The following GRIA3 variants were observed in gnomAD, a reference collection of about 807,000 sequenced individuals.
GRIA3 encodes the protein glutamate receptor 3.
GRIA3 carries 3 observed loss-of-function variants against 63.0 expected under a neutral mutation model. The ratio of observed to expected loss-of-function variants is 0.05; its 90% CI spans 0.02 to 0.12. The LOEUF is 0.12. Among genes scored for constraint, GRIA3 ranks in the 10% least tolerant of loss-of-function variants. The pLI is 1.00. For missense variants in GRIA3, 347 were observed against 700.9 expected, an observed-to-expected ratio of 0.50 and a Z score of 5.70; for synonymous variants, 274 against 257.9, an observed-to-expected ratio of 1.06 and a Z score of -0.60.
At chrX:123,476,155 C>G (rs1009302151) in intron 13 of GRIA3, among the ~76,000 whole-genome samples, 1 of 111,364 alleles carries the variant, frequency 9.0e-6, no homozygotes, top group Non-Finnish European at 1.9e-5. Context: ...AATGGAGATA[C>G]AAATACATGA....
chrX:123,365,430 G>A (rs1278800901), intron 5 of GRIA3, among the ~76,000 whole-genome samples: 2 of 111,673 alleles, frequency 1.8e-5, no homozygotes, highest in African/African-American at 6.5e-5. Context: ...TCTGTTGAAG[G>A]AAATGGTGTA....
intron 3 of GRIA3, among the ~76,000 whole-genome samples, chrX:123,315,243 T>G (rs1379997620): frequency 8.9e-6 from 1 of 112,190 alleles, no homozygotes; most frequent in African/African-American, 3.2e-5. Flanking sequence ...AGGGAAATAT[T>G]AATTTGCTAA....
At chrX:123,184,723 T>A in intron 1 of GRIA3, 79 bp downstream of exon 1, 1 of 532,434 alleles carries the variant, frequency 1.9e-6, no homozygotes, top group Non-Finnish European at 3.0e-6. Flanking sequence ...TTCCCTGCGG[T>A]GGGTCCCTGT....
chrX:123,472,919 T>C (rs1178297758), intron 13 of GRIA3, among the ~76,000 whole-genome samples: 2 of 112,902 alleles, frequency 1.8e-5, no homozygotes, highest in Non-Finnish European at 3.7e-5. Flanking sequence ...TTATATTAAA[T>C]TATTATCCCA....
chrX:123,189,863 T>C (rs1927382829), intron 2 of GRIA3, among the ~76,000 whole-genome samples: 1 of 111,381 alleles, frequency 9.0e-6, no homozygotes, highest in Non-Finnish European at 1.9e-5. Context: ...ATTCCATTAA[T>C]TTTTTTCAAG....
At chrX:123,204,363 C>G (rs1342226895) in intron 2 of GRIA3, 2 of 1,104,615 alleles carry the variant, frequency 1.8e-6, no homozygotes, top group Non-Finnish European at 2.4e-6. Context: ...CTCATCCATT[C>G]ATAGTGCTGA....
intron 3 of GRIA3, among the ~76,000 whole-genome samples, chrX:123,275,972 A>G (rs1416539425): frequency 8.9e-6 from 1 of 112,128 alleles, no homozygotes; most frequent in East Asian, 2.8e-4. Context: ...ATTTCCCCCA[A>G]ACATACACAT....
intron 3 of GRIA3, among the ~76,000 whole-genome samples, chrX:123,315,372 TCA>T (rs1023489998): frequency 4.5e-5 from 5 of 112,149 alleles, no homozygotes; most frequent in Admixed American, 3.8e-4. Flanking sequence ...ATCAAACTCT[TCA>T]CACACAGAAC....
chrX:123,214,407 A>G (rs1054969412), intron 2 of GRIA3, among the ~76,000 whole-genome samples: 4 of 111,565 alleles, frequency 3.6e-5, no homozygotes, highest in Non-Finnish European at 7.5e-5. Flanking sequence ...AAAGTTCCCT[A>G]TATAAAGTTC....
chrX:123,250,665 AG>A (rs2044384054), intron 2 of GRIA3, among the ~76,000 whole-genome samples: 1 of 111,675 alleles, frequency 9.0e-6, no homozygotes, highest in South Asian at 3.8e-4. Flanking sequence ...TTTTGGTTGA[AG>A]GGCCATGATT....
chrX:123,291,423 G>A (rs1234970548), intron 3 of GRIA3, among the ~76,000 whole-genome samples: 1 of 110,558 alleles, frequency 9.0e-6, no homozygotes, highest in Non-Finnish European at 1.9e-5. Context: ...ACTGAGAGAG[G>A]GAGAGAAGAA....
At chrX:123,410,914 G>A (rs1406995602) in intron 10 of GRIA3, among the ~76,000 whole-genome samples, 1 of 111,896 alleles carries the variant, frequency 8.9e-6, no homozygotes, top group Non-Finnish European at 1.9e-5. Flanking sequence ...AGGACAAGGA[G>A]CCCTAATCAA....
chrX:123,433,929 G>A (rs774953299), intron 12 of GRIA3, among the ~76,000 whole-genome samples: 30 of 111,830 alleles, frequency 2.7e-4, no homozygotes, highest in African/African-American at 9.1e-4. Context: ...CACAGGCAGC[G>A]AAAGGAGGGG....
chrX:123,251,149 C>T (rs921804990), intron 2 of GRIA3, among the ~76,000 whole-genome samples: 27 of 112,227 alleles, frequency 2.4e-4, no homozygotes, highest in African/African-American at 7.1e-4. Flanking sequence ...TGGCTAAATA[C>T]TATTCTCATT....
chrX:123,366,207 G>T (rs758358276), intron 5 of GRIA3, among the ~76,000 whole-genome samples: 2 of 111,296 alleles, frequency 1.8e-5, no homozygotes, highest in South Asian at 7.9e-4. Flanking sequence ...CTGTGACTTA[G>T]AATGCCTAAC....
intron 10 of GRIA3, among the ~76,000 whole-genome samples, chrX:123,409,602 C>T (rs1415636719): frequency 8.9e-6 from 1 of 111,957 alleles, no homozygotes; most frequent in Admixed American, 9.4e-5. Flanking sequence ...TACATGGTAA[C>T]AGTCCCAGAT....
chrX:123,374,390 A>C (rs1275765358), intron 5 of GRIA3, among the ~76,000 whole-genome samples: 1 of 111,870 alleles, frequency 8.9e-6, no homozygotes, highest in Non-Finnish European at 1.9e-5. Flanking sequence ...CAATTCTGTG[A>C]AGAAAGTTAT....
chrX:123,488,515 T>G (rs1307191887), intron 15 of GRIA3, among the ~76,000 whole-genome samples, 198 bp from the exon 16 acceptor site: 1 of 112,097 alleles, frequency 8.9e-6, no homozygotes, highest in African/African-American at 3.2e-5. Context: ...CACCTGCATA[T>G]TCCTTAGTAC....
At chrX:123,463,137 T>A (rs2147429818) in intron 12 of GRIA3, among the ~76,000 whole-genome samples, 1 of 111,371 alleles carries the variant, frequency 9.0e-6, no homozygotes, top group Non-Finnish European at 1.9e-5. Context: ...CAACCTGAGT[T>A]GATGGAAAGA....
Sources: gnomAD v4.1 joint callset for allele counts (sites outside exome capture counted in the v4.1 genomes callset) on GRCh38, gnomAD v4.1.1 for gene constraint, MANE v1.5 for transcripts, NCBI Gene and HGNC (gene_info 2026-07-23, HGNC 2026-07-21) for gene names.